CAST: variants seen among roughly 807,000 people sequenced by gnomAD.
CAST encodes the protein MIR583 host.
CAST carries 76 observed loss-of-function variants against 119.6 expected under a neutral mutation model. That is an observed-to-expected ratio of 0.64 (90% confidence interval 0.53 to 0.77). CAST has a LOEUF of 0.77. CAST is among the 30% of genes least tolerant of loss of function. The pLI is 0.00. For missense variants in CAST, 953 were observed against 946.5 expected, an observed-to-expected ratio of 1.01 and a Z score of -0.09; for synonymous variants, 319 against 331.6, an observed-to-expected ratio of 0.96 and a Z score of 0.41.
the CAST span, among the ~76,000 whole-genome samples, chr5:96,358,474 A>G: frequency 3.9e-5 from 6 of 152,172 alleles, no homozygotes; most frequent in Admixed American, 2.0e-4. Context: ...ATTTAGTGCT[A>G]TAAATTTCCC....
In CAST at chr5:96,628,317, T is replaced by G. The variant is rs181161427; in HGVS notation, c.61-47222T>G. Among the ~76,000 whole-genome samples the G allele has an allele frequency of 2.6e-5, 4 of 152,368 alleles. No homozygotes were observed. The East Asian group carries it at 7.7e-4, about 29-fold the overall frequency. Reference sequence around the variant, plus strand: ...TCAAAAGAAAATGCCAGCATCTTGCTACTCAGACTTCTGAGCAAGAATGGC... The same window carrying G: ...TCAAAAGAAAATGCCAGCATCTTGCGACTCAGACTTCTGAGCAAGAATGGC... On this transcript the variant is annotated intron_variant, in intron 1 of 11. Coordinates refer to the CAST transcript ENST00000505143.
At chr5:96,318,470 C>T in the CAST span, 1 of 152,230 alleles carries the variant, frequency 6.6e-6, no homozygotes, top group Non-Finnish European at 1.5e-5. Context: ...CTTGCTCCCA[C>T]AGCTTTTGGT....
the CAST span, among the ~76,000 whole-genome samples, chr5:96,325,845 G>A: frequency 6.6e-6 from 1 of 152,154 alleles, no homozygotes; most frequent in African/African-American, 2.4e-5. Context: ...GAGGAAAATG[G>A]CACAAATGGG....
At chr5:96,499,037 A>G in the CAST span, among the ~76,000 whole-genome samples, 3 of 151,776 alleles carry the variant, frequency 2.0e-5, no homozygotes, top group Non-Finnish European at 4.4e-5. Flanking sequence ...AGGAAAAAAA[A>G]AAAAAAAGAA....
the CAST span, among the ~76,000 whole-genome samples, chr5:96,426,772 T>A: frequency 6.6e-6 from 1 of 152,174 alleles, no homozygotes; most frequent in African/African-American, 2.4e-5. Flanking sequence ...TGTGGTGGAA[T>A]ATTGTTAATG....
At chr5:96,687,538 T>C (rs1752222766) in intron 2 of CAST, among the ~76,000 whole-genome samples, 2 of 152,270 alleles carry the variant, frequency 1.3e-5, no homozygotes, top group Admixed American at 1.3e-4. Flanking sequence ...TTTGTTTGTC[T>C]TAATCATTAC....
chr5:95,961,731 C>A, the CAST span: 1 of 1,594,668 alleles, frequency 6.3e-7, no homozygotes, highest in Non-Finnish European at 8.5e-7. Context: ...TCTTAAACTC[C>A]CCGGGGTGCC....
At chr5:96,332,512 A>T in the CAST span, among the ~76,000 whole-genome samples, 3 of 152,284 alleles carry the variant, frequency 2.0e-5, no homozygotes, top group East Asian at 5.8e-4. Flanking sequence ...TAAAATAAAA[A>T]TGGTTGTGTA....
At chr5:96,549,646 A>T (rs2150181793) in intron 1 of CAST, among the ~76,000 whole-genome samples, 1 of 152,308 alleles carries the variant, frequency 6.6e-6, no homozygotes, top group African/African-American at 2.4e-5. Context: ...AGCCAAGGGA[A>T]GCCATGAGTG....
the CAST span, among the ~76,000 whole-genome samples, chr5:96,511,094 T>A: frequency 6.6e-6 from 1 of 152,216 alleles, no homozygotes; most frequent in African/African-American, 2.4e-5. Flanking sequence ...CTTCATGAGT[T>A]AGTAAAACAA....
the CAST span, among the ~76,000 whole-genome samples, chr5:96,427,771 GTTTGGGCATGCAT>G: frequency 1.3e-5 from 2 of 152,310 alleles, no homozygotes; most frequent in East Asian, 3.9e-4. Context: ...TGGGCATGCA[GTTTGGGCATGCAT>G]TTAGGCAAAG....
rs182251513 is a variant in CAST, at chr5:96,550,547, A to C, written c.60+20667A>C. 3.1e-3 allele frequency among the ~76,000 whole-genome samples: 467 copies of C among 152,298 alleles called. 2 individuals carry two copies. Among genetic ancestry groups the C allele is most frequent in the African/African-American group, 0.011 (447 of 41,568 alleles). On this transcript the variant is annotated intron_variant, in intron 1 of 11. Coordinates refer to the CAST transcript ENST00000505143. ...AACTCCTCACCAGCAAGGGAACAAA[A>C]CTGGACAGAGAATGAGTTTGACGAG...
At chr5:96,464,660 T>C in the CAST span, among the ~76,000 whole-genome samples, 1 of 152,072 alleles carries the variant, frequency 6.6e-6, no homozygotes. Flanking sequence ...CATTTTTAAT[T>C]TCCTTTTTCA....
the CAST span, among the ~76,000 whole-genome samples, chr5:96,261,085 C>A: frequency 6.6e-6 from 1 of 152,116 alleles, no homozygotes; most frequent in Non-Finnish European, 1.5e-5. Context: ...GGAGTAGACA[C>A]CAATAAAGAA....
At chr5:95,967,310 G>A in the CAST span, among the ~76,000 whole-genome samples, 7 of 152,052 alleles carry the variant, frequency 4.6e-5, no homozygotes, top group Non-Finnish European at 1.0e-4. Context: ...GGAGGCTGAG[G>A]CAGAAGGATT....
At chr5:96,752,961 TACACAC>T (rs112835890) in intron 20 of CAST, among the ~76,000 whole-genome samples, 96 of 143,378 alleles carry the variant, frequency 6.7e-4, no homozygotes, top group African/African-American at 1.7e-3. Flanking sequence ...ATGCATTTTA[TACACAC>T]ACACACACAC....
chr5:96,411,536 C>T, the CAST span, among the ~76,000 whole-genome samples: 1 of 152,154 alleles, frequency 6.6e-6, no homozygotes. Flanking sequence ...AGAATCTGTG[C>T]AAGAATACAG....
the CAST span, among the ~76,000 whole-genome samples, chr5:96,385,628 G>A: frequency 1.3e-5 from 2 of 152,164 alleles, no homozygotes; most frequent in South Asian, 2.1e-4. Context: ...AAAATGTTCA[G>A]TTAACAAAAG....
chr5:96,572,251 A>G (rs555071519), intron 1 of CAST, among the ~76,000 whole-genome samples: 3 of 151,160 alleles, frequency 2.0e-5, no homozygotes, highest in South Asian at 4.2e-4. Context: ...CCCAGGCTGG[A>G]GTGCAGTGGC....
Sources: allele counts gnomAD v4.1 joint callset (sites outside exome capture counted in the v4.1 genomes callset), GRCh38; gene constraint gnomAD v4.1.1; transcripts MANE v1.5; gene names NCBI Gene and HGNC (gene_info 2026-07-23, HGNC 2026-07-21).